The following TENM3 variants were observed in gnomAD, a reference collection of about 807,000 sequenced individuals.
The protein encoded by TENM3 is teneurin transmembrane protein 3.
A neutral mutation model predicts 255.1 loss-of-function variants in TENM3; 63 were observed. That is an observed-to-expected ratio of 0.25 (90% confidence interval 0.20 to 0.30). The LOEUF (loss-of-function observed/expected upper bound fraction) is 0.30, where lower values mean the gene tolerates loss of function less well. TENM3 is among the 10% of genes least tolerant of loss of function. The probability of loss-of-function intolerance (pLI) is 1.00; values close to 1 mark genes in which losing one functional copy is unlikely to be tolerated. For missense variants in TENM3, 2,929 were observed against 3,461.1 expected (o/e 0.85, Z 3.86); for synonymous variants, 1,306 against 1,322.3 (o/e 0.99, Z 0.27).
At chr4:182,013,136 C>T in the TENM3 span, among the ~76,000 whole-genome samples, 2 of 152,118 alleles carry the variant, frequency 1.3e-5, no homozygotes, top group East Asian at 1.9e-4. Context: ...TGTTTAATTC[C>T]GAAACTGCAT....
chr4:181,599,662 T>C, the TENM3 span, among the ~76,000 whole-genome samples: 1 of 152,190 alleles, frequency 6.6e-6, no homozygotes, highest in African/African-American at 2.4e-5. Context: ...GGGCAAGGTG[T>C]GGTAATAGCA....
Position 182,147,974 on chromosome 4 carries a change from A to G in TENM3, c.-76+3220A>G, listed in dbSNP as rs1579504276. ...GAATACATTTAAAACTTATTTTTGGAAACATCAGCTGGTTTAACAGACCTG... is the reference window on the plus strand; with the variant it reads ...GAATACATTTAAAACTTATTTTTGGGAACATCAGCTGGTTTAACAGACCTG... On this transcript the variant is annotated intron_variant, in intron 1 of 2. Coordinates refer to the TENM3 transcript ENST00000512480. Among the ~76,000 whole-genome samples the G allele has an allele frequency of 3.3e-5, 5 of 152,282 alleles. No homozygotes were observed. The South Asian group carries it at 8.3e-4, about 25-fold the overall frequency.
At chr4:182,787,743 A>G (rs1765791113) in intron 24 of TENM3, among the ~76,000 whole-genome samples, 1 of 139,982 alleles carries the variant, frequency 7.1e-6, no homozygotes, top group Non-Finnish European at 1.5e-5. Context: ...CTCAAAAAAA[A>G]AAAAAAAAAA....
the TENM3 span, among the ~76,000 whole-genome samples, chr4:181,619,542 C>T: frequency 6.6e-6 from 1 of 152,100 alleles, no homozygotes; most frequent in African/African-American, 2.4e-5. Context: ...TTGCCTCAGC[C>T]TCCTGTGTAG....
At chr4:182,203,013 C>T (rs569774587) in intron 1 of TENM3, among the ~76,000 whole-genome samples, 3 of 151,822 alleles carry the variant, frequency 2.0e-5, no homozygotes, top group South Asian at 2.1e-4. Context: ...GTCAGGAGTT[C>T]GAGACCAGCC....
At chr4:182,452,506 A>G (rs1484660011) in intron 3 of TENM3, among the ~76,000 whole-genome samples, 1 of 152,204 alleles carries the variant, frequency 6.6e-6, no homozygotes, top group Non-Finnish European at 1.5e-5. Flanking sequence ...GAATGAAAGG[A>G]TAAGGGCTAT....
At chr4:182,245,725 G>A (rs1480774278) in intron 1 of TENM3, among the ~76,000 whole-genome samples, 3 of 152,140 alleles carry the variant, frequency 2.0e-5, no homozygotes, top group Admixed American at 1.3e-4. Context: ...CTCTTCCAGG[G>A]CCAGCCACAG....
chr4:182,525,261 C>CT (rs1324239101), intron 3 of TENM3, among the ~76,000 whole-genome samples: 1 of 152,142 alleles, frequency 6.6e-6, no homozygotes, highest in Non-Finnish European at 1.5e-5. Context: ...ACTCCATAGT[C>CT]TATTAAAAAT....
intron 1 of TENM3, among the ~76,000 whole-genome samples, chr4:182,233,923 A>C (rs1240285008): frequency 6.6e-6 from 1 of 152,228 alleles, no homozygotes; most frequent in East Asian, 1.9e-4. Context: ...CTCTTGGTTA[A>C]GTCACTCTTT....
chr4:182,021,807 C>G, the TENM3 span, among the ~76,000 whole-genome samples: 2 of 152,132 alleles, frequency 1.3e-5, no homozygotes, highest in African/African-American at 4.8e-5. Context: ...TGTACTTTCT[C>G]TCTTCAATAT....
the TENM3 span, among the ~76,000 whole-genome samples, chr4:181,608,803 G>A: frequency 6.6e-6 from 1 of 152,182 alleles, no homozygotes; most frequent in Non-Finnish European, 1.5e-5. Flanking sequence ...GCGAGGAAAG[G>A]TAGTTGATTG....
chr4:182,395,316 A>T (rs188925150), intron 3 of TENM3, among the ~76,000 whole-genome samples: 13 of 152,314 alleles, frequency 8.5e-5, no homozygotes, highest in Non-Finnish European at 1.6e-4. Context: ...CTTTATCACA[A>T]CCAGTGTTTA....
chr4:181,746,797 C>A, the TENM3 span, among the ~76,000 whole-genome samples: 1 of 151,580 alleles, frequency 6.6e-6, no homozygotes, highest in South Asian at 2.1e-4. Context: ...CATTGTTTTA[C>A]ACATTGCTTC....
At chr4:182,712,848 A>G (rs536446602) in intron 12 of TENM3, among the ~76,000 whole-genome samples, 1 of 152,364 alleles carries the variant, frequency 6.6e-6, no homozygotes, top group Non-Finnish European at 1.5e-5. Flanking sequence ...TTTTATTAAT[A>G]TGTTTTATAC....
chr4:182,304,155 T>C (rs1251051117), intron 1 of TENM3, among the ~76,000 whole-genome samples: 1 of 151,842 alleles, frequency 6.6e-6, no homozygotes, highest in African/African-American at 2.4e-5. Flanking sequence ...ATGAGCTAAA[T>C]CTAGTAGTAG....
At chr4:182,333,723 C>A (rs1226254257) in intron 2 of TENM3, among the ~76,000 whole-genome samples, 1 of 151,922 alleles carries the variant, frequency 6.6e-6, no homozygotes, top group Non-Finnish European at 1.5e-5. Context: ...GATGTTTTAG[C>A]AATTGTAATA....
intron 3 of TENM3, among the ~76,000 whole-genome samples, chr4:182,386,801 C>A (rs924833925): frequency 6.6e-6 from 1 of 152,232 alleles, no homozygotes; most frequent in Non-Finnish European, 1.5e-5. Flanking sequence ...GGCAGGCCTC[C>A]GGACTGAAGC....
the TENM3 span, among the ~76,000 whole-genome samples, chr4:181,851,658 A>G: frequency 5.9e-5 from 9 of 152,176 alleles, no homozygotes; most frequent in African/African-American, 2.2e-4. Flanking sequence ...ACACACACTC[A>G]TGCACATCCA....
Position 182,600,897 on chromosome 4 carries a change from CTTTTTTTTTTTTTTT to C in TENM3, c.512-18_512-4del, listed in dbSNP as rs548783934. The C allele has an allele frequency of 1.0e-5, 5 of 496,352 alleles. No individual in the cohort carries two copies. Among genetic ancestry groups the C allele is most frequent in the Middle Eastern group, 1.1e-3 (2 of 1,782 alleles). 30.7% of individuals were successfully genotyped at this position (496,352 alleles called of 1,614,324 possible). ...TATATATATATAATGAGTTCTCTTT[CTTTTTTTTTTTTTTT>C]TTTTTTTTCAGAGCAACCTGCAAGC... On this transcript the variant is annotated splice_polypyrimidine_tract_variant and intron_variant, in intron 3 of 27. Transcript: ENST00000511685.
Sources: allele counts gnomAD v4.1 joint callset (sites outside exome capture counted in the v4.1 genomes callset), GRCh38; gene constraint gnomAD v4.1.1; transcripts MANE v1.5; gene names NCBI Gene and HGNC (gene_info 2026-07-23, HGNC 2026-07-21).